ZNF208: variants seen among roughly 807,000 people sequenced by gnomAD.
ZNF208 encodes zinc finger protein 208, also known as zinc finger protein 95.
A neutral mutation model predicts 12.1 loss-of-function variants in ZNF208; 10 were observed. That is an observed-to-expected ratio of 0.83 (90% CI 0.51 to 1.40). The LOEUF (loss-of-function observed/expected upper bound fraction) is 1.40. ZNF208 is among the 40% of genes most tolerant of loss of function. The probability of loss-of-function intolerance (pLI) is 0.00; values close to 1 mark genes in which losing one functional copy is unlikely to be tolerated. For missense variants in ZNF208, 1,652 were observed against 1,485.0 expected (o/e 1.11, Z -1.85); for synonymous variants, 497 against 488.4 (o/e 1.02, Z -0.23).
intron 3 of ZNF208, among the ~76,000 whole-genome samples, chr19:21,977,171 A>AT (rs1245283643): frequency 5.9e-5 from 9 of 152,360 alleles, no homozygotes; most frequent in Non-Finnish European, 1.2e-4. Flanking sequence ...AGGATTACAA[A>AT]TACAGAAAGC....
At chr19:21,941,939 T>G (rs1969748657) in intron 4 of ZNF208, among the ~76,000 whole-genome samples, 1 of 152,204 alleles carries the variant, frequency 6.6e-6, no homozygotes, top group Non-Finnish European at 1.5e-5. Flanking sequence ...AATCTAAGAT[T>G]GGTATACACA....
At chr19:22,010,363 T>C (rs1381294305) in intron 1 of ZNF208, among the ~76,000 whole-genome samples, 3 of 152,236 alleles carry the variant, frequency 2.0e-5, no homozygotes, top group African/African-American at 7.2e-5. Context: ...ACTCTTTGAT[T>C]AAATTCTTTA....
At chr19:22,008,317 G>GAA (rs928709826) in intron 1 of ZNF208, among the ~76,000 whole-genome samples, 1 of 99,770 alleles carries the variant, frequency 1.0e-5, no homozygotes, top group Admixed American at 9.8e-5. Context: ...AAAAAAAAAA[G>GAA]AAAAAAAAAA....
intron 1 of ZNF208, among the ~76,000 whole-genome samples, chr19:22,007,209 A>C (rs1364894184): frequency 6.6e-6 from 1 of 152,124 alleles, no homozygotes; most frequent in Non-Finnish European, 1.5e-5. Context: ...TCTATTTGAA[A>C]TCACTCAGCC....
intron 4 of ZNF208, among the ~76,000 whole-genome samples, chr19:21,957,272 T>A (rs1362591583): frequency 6.6e-6 from 1 of 152,180 alleles, no homozygotes; most frequent in African/African-American, 2.4e-5. Context: ...ACTCTTGACC[T>A]CGTGATCTGC....
intron 1 of ZNF208, among the ~76,000 whole-genome samples, chr19:22,001,123 T>TA (rs1447676762): frequency 2.6e-5 from 4 of 152,040 alleles, no homozygotes; most frequent in Admixed American, 1.3e-4. Context: ...CCGTCACTAC[T>TA]AAAAATACAA....
chr19:21,948,248 C>T (rs1480281286), intron 4 of ZNF208, among the ~76,000 whole-genome samples: 1 of 152,208 alleles, frequency 6.6e-6, no homozygotes, highest in African/African-American at 2.4e-5. Flanking sequence ...TTCTGTCGCA[C>T]AAACCCATGG....
chr19:21,984,644 T>C (rs1241800519), intron 3 of ZNF208, among the ~76,000 whole-genome samples: 1 of 152,200 alleles, frequency 6.6e-6, no homozygotes, highest in East Asian at 1.9e-4. Context: ...GTAATGTTAA[T>C]ATTGTAAAGA....
chr19:21,987,790 C>CACTA (rs1456502533), intron 2 of ZNF208, among the ~76,000 whole-genome samples: 1 of 152,142 alleles, frequency 6.6e-6, no homozygotes, highest in Non-Finnish European at 1.5e-5. Context: ...GTGTATGACA[C>CACTA]ACTACCTCCC....
Position 22,010,657 on chromosome 19 carries a change from G to A in ZNF208, c.3+135C>T, listed in dbSNP as rs1599637446. On this transcript the variant is annotated intron_variant, in intron 1 of 3. Transcript: ENST00000397126. ...CCATCTTATGGCTGAACCGGACTGA[G>A]GTCGAGCTAGGCAAGAACTCGGGGC... The A allele has an allele frequency of 6.2e-5, 85 of 1,365,136 alleles. No individual in the cohort carries two copies. The Middle Eastern group carries it at 1.2e-3, about 20-fold the overall frequency. 84.6% of individuals were successfully genotyped at this position (1,365,136 alleles called of 1,614,324 possible).
chr19:22,010,861 C>T lies in ZNF208; in HGVS notation c.-67G>A. On this transcript the variant is annotated 5_prime_UTR_variant, in exon 1 of 4. Coordinates refer to ENST00000397126, the MANE Select transcript of ZNF208 (RefSeq NM_007153.3). ...TCCCAATACCTGCAGGTCATAGGGC[C>T]ACAGAGGCTGGGACTCTAGGAGCAG... 1.2e-6 allele frequency: 2 copies of T among 1,606,274 alleles called. No individual in the cohort carries two copies. Among genetic ancestry groups the T allele is most frequent in the Non-Finnish European group, 1.7e-6 (2 of 1,173,176 alleles).
At chr19:21,989,957 G>A (rs1425061675) in intron 1 of ZNF208, among the ~76,000 whole-genome samples, 2 of 151,764 alleles carry the variant, frequency 1.3e-5, no homozygotes, top group African/African-American at 4.8e-5. Flanking sequence ...AAATTAGTTT[G>A]AGTTCACTGT....
chr19:21,992,292 C>T (rs943942128), intron 1 of ZNF208, among the ~76,000 whole-genome samples: 1 of 152,190 alleles, frequency 6.6e-6, no homozygotes, highest in Non-Finnish European at 1.5e-5. Context: ...CAGAAGGACG[C>T]AGCATTACTG....
At chr19:21,943,054 TA>T (rs1455809212) in intron 4 of ZNF208, among the ~76,000 whole-genome samples, 2 of 152,220 alleles carry the variant, frequency 1.3e-5, no homozygotes. Context: ...ATTCTCCTGT[TA>T]TTGTCTGAGA....
intron 4 of ZNF208, among the ~76,000 whole-genome samples, chr19:21,959,899 T>C (rs1177574491): frequency 4.6e-5 from 7 of 152,146 alleles, no homozygotes; most frequent in Non-Finnish European, 7.4e-5. Context: ...CTGTAAAAAA[T>C]GTTTCTTAAG....
intron 4 of ZNF208, among the ~76,000 whole-genome samples, chr19:21,942,546 G>T (rs1259596390): frequency 6.6e-6 from 1 of 152,082 alleles, no homozygotes; most frequent in Non-Finnish European, 1.5e-5. Context: ...CTTCAATGTT[G>T]TTTACAGGGA....
intron 1 of ZNF208, among the ~76,000 whole-genome samples, chr19:21,995,121 T>G (rs1198327719): frequency 3.9e-5 from 6 of 151,964 alleles, no homozygotes; most frequent in Admixed American, 6.6e-5. Flanking sequence ...CCAGCTAATT[T>G]GGGTATTTTT....
intron 4 of ZNF208, among the ~76,000 whole-genome samples, chr19:21,958,473 A>G (rs1370398286): frequency 6.6e-6 from 1 of 152,208 alleles, no homozygotes; most frequent in East Asian, 1.9e-4. Context: ...AAGTAAGATC[A>G]AGGGAACTAA....
chr19:22,006,017 C>T (rs187010544), intron 1 of ZNF208, among the ~76,000 whole-genome samples: 108 of 152,114 alleles, frequency 7.1e-4, no homozygotes, highest in African/African-American at 2.4e-3. Flanking sequence ...GCTGAATTTG[C>T]CTTCAGTGGT....
Sources: gnomAD v4.1 joint callset for allele counts (sites outside exome capture counted in the v4.1 genomes callset) on GRCh38, gnomAD v4.1.1 for gene constraint, MANE v1.5 for transcripts, NCBI Gene and HGNC (gene_info 2026-07-23, HGNC 2026-07-21) for gene names.